The following DNAH10 variants were observed in gnomAD, a reference collection of about 807,000 sequenced individuals.
DNAH10 encodes dynein axonemal heavy chain 10.
A neutral mutation model predicts 506.6 loss-of-function variants in DNAH10; 348 were observed. The ratio of observed to expected loss-of-function variants is 0.69; its 90% confidence interval spans 0.63 to 0.75. The LOEUF (loss-of-function observed/expected upper bound fraction) is 0.75. Among genes scored for constraint, DNAH10 ranks in the 30% least tolerant of loss-of-function variants. The probability of loss-of-function intolerance (pLI) is 0.00; values close to 1 mark genes in which losing one functional copy is unlikely to be tolerated. For synonymous variants in DNAH10, 2,059 were observed against 2,198.6 expected (o/e 0.94, Z 1.78); for missense variants, 5,179 against 5,787.1 (o/e 0.89, Z 3.41).
At position 123,762,356 on chromosome 12, in the gene DNAH10, T is replaced by G; in HGVS notation, c.20T>G (p.Leu7Arg). The change falls in exon 1 of 79, where the codon CTG becomes CGG. Residue 7 changes from leucine to arginine, a missense_variant. This residue lies in a region of DNAH10 where 326 missense variants were observed against 330.8 expected (regional missense o/e 0.99). Transcript: ENST00000673944. The surrounding 1 kb of genome is among the most constrained non-coding windows in gnomAD (Gnocchi z 5.0). ...GGCGCCATGGACGACCTGCGGGTGC[T>G]GTGGATGCGCGACCGCGTGTATGCG... MDDLRVLWMRDRVYAAF... is the reference protein window; with the variant it reads MDDLRVRWMRDRVYAAF... The G allele has an allele frequency of 7.4e-7, 1 of 1,356,162 alleles. No homozygotes were observed. The highest frequency in any genetic ancestry group is 9.5e-7 in the Non-Finnish European group (1 of 1,051,814). The allele number at this position is 1,356,162 out of a possible 1,614,324, so 84.0% of individuals were successfully genotyped here. A position where few individuals can be genotyped will look rare whatever the true frequency, so the allele number is the denominator to read the frequency against.
chr12:123,783,171 C>T lies in DNAH10; in HGVS notation c.906C>T (p.Asp302=). ...VEGEVSDLAA[D]PETVDILEQC... ...GAGAGGTGTCTGACCTGGCAGCTGA[C>T]CCGGAAACCGTTGACATCTTGGAGC... is the stretch of plus-strand genomic sequence containing the variant. The change falls in exon 7 of 79, where the codon GAC becomes GAT. Residue 302 remains aspartate (D), a synonymous_variant. Transcript: ENST00000673944. 3 of 1,614,152 alleles carry T rather than the reference C, an allele frequency of 1.9e-6. No homozygotes were observed. The highest frequency in any genetic ancestry group is 2.5e-6 in the Non-Finnish European group (3 of 1,180,022).
At chr12:123,867,152 T>C (rs1454006833) in intron 41 of DNAH10, among the ~76,000 whole-genome samples, 1 of 152,214 alleles carries the variant, frequency 6.6e-6, no homozygotes, top group Non-Finnish European at 1.5e-5. Context: ...TCTGGATGAC[T>C]GTGGTCACTT....
In DNAH10 at chr12:123,774,155, T is replaced by A. The variant is rs751553107; in HGVS notation, c.512T>A (p.Ile171Asn). The change falls in exon 5 of 79, where the codon ATC becomes AAC. Residue 171 changes from isoleucine to asparagine, a missense_variant. Ile to Asn is a moderately radical substitution (Grantham distance 149, BLOSUM62 -3). Around this residue, in one of 3 missense-constraint regions of DNAH10, gnomAD observed 326 missense variants for 330.8 expected, o/e 0.99. Transcript: ENST00000673944. ...TACACCTGTTCTTCTTTAGAGGCAA[T>A]CTCTGAAGCTACCGACATGAAGGAA... ...VFFLRNTKEA[I>N]SEATDMKEAM... The A allele has an allele frequency of 1.1e-5, 17 of 1,604,670 alleles. No individual in the cohort carries two copies. Among genetic ancestry groups the A allele is most frequent in the Non-Finnish European group, 1.2e-5 (14 of 1,176,704 alleles).
Position 123,785,247 on chromosome 12 carries a change from G to T in DNAH10, c.1231-499G>T, listed in dbSNP as rs546447745. ...TTTTTCCGTATCTTCACCACCACTT[G>T]TTATCGTCTTTCTGATAATAGCCAT... On this transcript the variant is annotated intron_variant, in intron 8 of 78. Transcript: ENST00000673944. This position sits in a 1 kb window ranked among gnomAD's most constrained non-coding sequence, Gnocchi z 4.1. 1.3e-5 allele frequency among the ~76,000 whole-genome samples: 2 copies of T among 152,132 alleles called. No individual in the cohort carries two copies. The highest frequency in any genetic ancestry group is 3.2e-3 in the Middle Eastern group (1 of 316).
Position 123,850,744 on chromosome 12 carries a change from G to T in DNAH10, c.6103-144G>T, listed in dbSNP as rs1951124463. On this transcript the variant is annotated intron_variant, in intron 34 of 78. Transcript: ENST00000673944. The surrounding 1 kb of genome is among the most constrained non-coding windows in gnomAD (Gnocchi z 5.5). ...GAGGGGGGCCCTGCATTGAACACCG[G>T]GGAGGGAAAAAGAGACAAGTGGTGT... is the stretch of plus-strand genomic sequence containing the variant. 2 of 884,446 alleles carry T rather than the reference G, an allele frequency of 2.3e-6. No homozygotes were observed. Among genetic ancestry groups the T allele is most frequent in the South Asian group, 1.8e-5 (1 of 54,792 alleles). The allele number at this position is 884,446 out of a possible 1,614,324, so 54.8% of individuals were successfully genotyped here.
chr12:123,934,847 G>A, intron 78 of DNAH10, 81 bp downstream of exon 78: 1 of 1,557,374 alleles, frequency 6.4e-7, no homozygotes, highest in Non-Finnish European at 8.7e-7. Flanking sequence ...GTTTCCAACA[G>A]TCCTACTTTT....
chr12:123,825,295 G>A (rs1312722805), intron 24 of DNAH10, among the ~76,000 whole-genome samples: 1 of 152,218 alleles, frequency 6.6e-6, no homozygotes, highest in Non-Finnish European at 1.5e-5. Flanking sequence ...GTTTACCTGA[G>A]AGAAGAGAAA....
At chr12:123,837,910 T>G (rs1400095811) in intron 28 of DNAH10, among the ~76,000 whole-genome samples, 2 of 152,142 alleles carry the variant, frequency 1.3e-5, no homozygotes, top group Non-Finnish European at 2.9e-5. Context: ...TTCTTACCAA[T>G]GTCACTGGCT....
Position 123,835,396 on chromosome 12 carries a change from A to G in DNAH10, c.4780-10A>G. The G allele has an allele frequency of 6.2e-7, 1 of 1,612,018 alleles. No homozygotes were observed. Among genetic ancestry groups the G allele is most frequent in the Non-Finnish European group, 8.5e-7 (1 of 1,179,036 alleles). ...ACCCCTGCTGACACTGACCTTTTGT[A>G]CATTTACAGATTTGGATGTTGGTTC... is the stretch of plus-strand genomic sequence containing the variant. On this transcript the variant is annotated splice_polypyrimidine_tract_variant and intron_variant, in intron 27 of 78. Transcript: ENST00000673944.
At position 123,908,993 on chromosome 12, in the gene DNAH10, C is replaced by T. The variant is rs531320499; in HGVS notation, c.9816-268C>T. On this transcript the variant is annotated intron_variant, in intron 57 of 78. Coordinates refer to ENST00000673944, the MANE Select transcript of DNAH10 (RefSeq NM_001372106.1). ...CCCCTAACCACTGATCCAGACGCTC[C>T]GGGGACGGCCTGGGTTTGTATTTTA... Among the ~76,000 whole-genome samples the T allele has an allele frequency of 1.6e-4, 24 of 152,288 alleles. No individual in the cohort carries two copies. The South Asian group carries it at 3.7e-3, about 24-fold the overall frequency.
In DNAH10 at chr12:123,875,745, G is replaced by A. The variant is rs117848245; in HGVS notation, c.8199+254G>A. Among the ~76,000 whole-genome samples, 35 of 152,298 alleles carry A rather than the reference G, an allele frequency of 2.3e-4. 1 individual carries two copies. In the East Asian group the frequency reaches 6.6e-3, roughly 29 times the overall value. On this transcript the variant is annotated intron_variant, in intron 47 of 78. Transcript: ENST00000673944. Reference sequence around the variant, plus strand: ...GAGGTAAAAGTGCCTTGGGCCCGTGGGAGTCCTGATGTGGCCCTGAGGTGC... The same window carrying A: ...GAGGTAAAAGTGCCTTGGGCCCGTGAGAGTCCTGATGTGGCCCTGAGGTGC...
At chr12:123,790,305 C>T (rs1252068111) in intron 11 of DNAH10, among the ~76,000 whole-genome samples, 184 bp downstream of exon 11, 2 of 152,216 alleles carry the variant, frequency 1.3e-5, no homozygotes, top group Non-Finnish European at 2.9e-5. Context: ...ATTCCTCCAT[C>T]TTCTTTGTCC....
intron 11 of DNAH10, among the ~76,000 whole-genome samples, chr12:123,792,213 C>T (rs1398398380): frequency 6.6e-6 from 1 of 152,112 alleles, no homozygotes. Flanking sequence ...ACTACAATAC[C>T]TTTCTTGGCC....
rs767588554 is a variant in DNAH10 at position 123,846,814 on chromosome 12, C to G, written c.5814+660C>G. On this transcript the variant is annotated intron_variant, in intron 32 of 78. Coordinates refer to ENST00000673944, the MANE Select transcript of DNAH10 (RefSeq NM_001372106.1). The surrounding 1 kb of genome is among the most constrained non-coding windows in gnomAD (Gnocchi z 4.5). The stretch of plus-strand genomic sequence containing the variant: ...GGCTACATTGGTGGTCTCTTAGGCT[C>G]ACAGTTTCTCAGCTGTGACTCATAC... Among the ~76,000 whole-genome samples the G allele has an allele frequency of 7.9e-5, 12 of 152,086 alleles. No individual in the cohort carries two copies. Among genetic ancestry groups the G allele is most frequent in the Non-Finnish European group, 1.3e-4 (9 of 68,028 alleles).
intron 10 of DNAH10, among the ~76,000 whole-genome samples, chr12:123,788,480 A>C (rs1176119636): frequency 2.6e-5 from 4 of 152,140 alleles, no homozygotes; most frequent in Non-Finnish European, 4.4e-5. Flanking sequence ...AAATGCATTC[A>C]CGGAGAACTC....
chr12:123,876,501 C>T (rs895531736), intron 47 of DNAH10, among the ~76,000 whole-genome samples: 1 of 152,080 alleles, frequency 6.6e-6, no homozygotes, highest in African/African-American at 2.4e-5. Context: ...GGTGTGGTGG[C>T]AGGCACCTGT....
chr12:123,924,450 T>C lies in DNAH10; in HGVS notation c.11766+18T>C. The C allele has an allele frequency of 6.2e-7, 1 of 1,605,722 alleles. No individual in the cohort carries two copies. Among genetic ancestry groups the C allele is most frequent in the Non-Finnish European group, 8.5e-7 (1 of 1,173,420 alleles). Reference sequence around the variant, plus strand: ...GGCAGGAGGTGAGCCCACGTTCCCTTTCTCCTCCTCTCCTTCCCCACATGT... The same window carrying C: ...GGCAGGAGGTGAGCCCACGTTCCCTCTCTCCTCCTCTCCTTCCCCACATGT... On this transcript the variant is annotated intron_variant, in intron 67 of 78. Coordinates refer to ENST00000673944, the MANE Select transcript of DNAH10 (RefSeq NM_001372106.1).
At position 123,789,924 on chromosome 12, in the gene DNAH10, C is replaced by T. The variant is rs1410343090; in HGVS notation, c.1621-3C>T. The T allele has an allele frequency of 1.2e-6, 2 of 1,608,186 alleles. No individual in the cohort carries two copies. The highest frequency in any genetic ancestry group is 1.3e-5 in the African/African-American group (1 of 74,686). On this transcript the variant is annotated splice_region_variant and splice_polypyrimidine_tract_variant and intron_variant, in intron 10 of 78. Coordinates refer to ENST00000673944, the MANE Select transcript of DNAH10 (RefSeq NM_001372106.1). Reference sequence around the variant, plus strand: ...CTCCTCATTGTTCCGTTTGATTGGACAGATTTTGGAGGAATTTTATAACAT... The same window carrying T: ...CTCCTCATTGTTCCGTTTGATTGGATAGATTTTGGAGGAATTTTATAACAT...
chr12:123,865,275 A>T (rs974730067), intron 40 of DNAH10, among the ~76,000 whole-genome samples: 25 of 149,960 alleles, frequency 1.7e-4, no homozygotes, highest in East Asian at 5.8e-4. Context: ...TTTTTTTTTT[A>T]AACTTTCTAT....
Sources: allele counts gnomAD v4.1 joint callset (sites outside exome capture counted in the v4.1 genomes callset), GRCh38; gene constraint gnomAD v4.1.1; regional missense constraint gnomAD v4.1.1; non-coding constraint Gnocchi (gnomAD v3.1); transcripts MANE v1.5; gene names NCBI Gene and HGNC (gene_info 2026-07-23, HGNC 2026-07-21).